TAF5: variants seen among roughly 807,000 people sequenced by gnomAD.
TAF5 encodes transcription initiation factor TFIID subunit 5.
TAF5 carries 20 observed loss-of-function variants against 80.9 expected under a neutral mutation model. The observed-to-expected ratio is 0.25, with a 90% confidence interval of 0.17 to 0.36. TAF5 has a LOEUF of 0.36. Among genes scored for constraint, TAF5 ranks in the 10% least tolerant of loss-of-function variants. TAF5 has a pLI of 1.00. For missense variants in TAF5, 863 were observed against 1,029.4 expected (o/e 0.84, Z 2.21); for synonymous variants, 388 against 406.4 (o/e 0.95, Z 0.55).
rs1214527139 is a variant in TAF5, at chr10:103,388,755, G to A, written c.*532G>A. 1 of 153,256 alleles carries A rather than the reference G, an allele frequency of 6.5e-6. No homozygotes were observed. The highest frequency in any genetic ancestry group is 2.4e-5 in the African/African-American group (1 of 41,424). The allele number at this position is 153,256 out of a possible 1,614,324, so 9.5% of individuals were successfully genotyped here. A position where few individuals can be genotyped will look rare whatever the true frequency, so the allele number is the denominator to read the frequency against. Reference sequence around the variant, plus strand: ...GTAGGGTTCCTTTCTTAGATCTAGAGGAAGTACAGCCACCCACTGACATCT... The same window carrying A: ...GTAGGGTTCCTTTCTTAGATCTAGAAGAAGTACAGCCACCCACTGACATCT... On this transcript the variant is annotated 3_prime_UTR_variant, in exon 11 of 11. Transcript: ENST00000369839.
intron 9 of TAF5, 78 bp downstream of exon 9, chr10:103,387,430 A>G: frequency 6.5e-7 from 1 of 1,549,264 alleles, no homozygotes; most frequent in Non-Finnish European, 8.7e-7. Flanking sequence ...TGACACATAA[A>G]TTTTAAAGAT....
At chr10:103,387,924 G>A in intron 10 of TAF5, 82 bp from the exon 11 acceptor site, 2 of 1,352,890 alleles carry the variant, frequency 1.5e-6, no homozygotes, top group East Asian at 2.3e-5. Context: ...AAAATGTACA[G>A]TAAATACATA....
chr10:103,381,902 A>C lies in TAF5; in HGVS notation c.1534+61A>C, dbSNP rs1279902289. 1.9e-6 allele frequency: 3 copies of C among 1,598,324 alleles called. No individual in the cohort carries two copies. In the Admixed American group the frequency reaches 5.1e-5, roughly 27 times the overall value. On this transcript the variant is annotated intron_variant, in intron 6 of 10. Transcript: ENST00000369839. ...ATTAGTCTATACCAATCTTGATTCCATGGAAAATACACAGGAGATTGTGTT... is the reference window on the plus strand; with the variant it reads ...ATTAGTCTATACCAATCTTGATTCCCTGGAAAATACACAGGAGATTGTGTT...
At chr10:103,385,189 G>C (rs1308358067) in intron 7 of TAF5, 137 bp from the exon 8 acceptor site, 2 of 658,026 alleles carry the variant, frequency 3.0e-6, no homozygotes, top group Non-Finnish European at 4.9e-6. Flanking sequence ...TGAATTAAAA[G>C]TGAGATGCAG....
chr10:103,375,143 AAATG>A (rs1443363042), intron 2 of TAF5, among the ~76,000 whole-genome samples: 3 of 151,588 alleles, frequency 2.0e-5, no homozygotes, highest in African/African-American at 7.3e-5. Flanking sequence ...AAAAAAAAGA[AAATG>A]TGTGGAGGCA....
Position 103,372,864 on chromosome 10 carries a change from C to T in TAF5, c.560-494C>T, listed in dbSNP as rs376640977. On this transcript the variant is annotated intron_variant, in intron 1 of 10. Coordinates refer to ENST00000369839, the MANE Select transcript of TAF5 (RefSeq NM_006951.5). ...TGAGCCGAGATTGTGCATTGCACTA[C>T]AGCCTGGGCGACAAGAGTGAAACTC... is the stretch of plus-strand genomic sequence containing the variant. Among the ~76,000 whole-genome samples the T allele has an allele frequency of 1.8e-3, 269 of 150,294 alleles. 7 individuals carry two copies. The South Asian group carries it at 0.056, about 31-fold the overall frequency.
chr10:103,385,510 A>G lies in TAF5; in HGVS notation c.1829+20A>G. 6.2e-7 allele frequency: 1 copy of G among 1,612,326 alleles called. No homozygotes were observed. Among genetic ancestry groups the G allele is most frequent in the Non-Finnish European group, 8.5e-7 (1 of 1,179,388 alleles). On this transcript the variant is annotated intron_variant, in intron 8 of 10. Coordinates refer to ENST00000369839, the MANE Select transcript of TAF5 (RefSeq NM_006951.5). ...AGCTCGGTAAGAACACTGTGATCTT[A>G]TGACTGGGTCTATTCAATGAACAGA...
In TAF5 at chr10:103,388,285, T is replaced by C. The variant is rs190823108; in HGVS notation, c.*62T>C. On this transcript the variant is annotated 3_prime_UTR_variant, in exon 11 of 11. Coordinates refer to ENST00000369839, the MANE Select transcript of TAF5 (RefSeq NM_006951.5). ...TTTAAAAAGGGAGACTAAAAGCAAA[T>C]ACCTCAGTGATTAATATTTAAGCTA... is the stretch of plus-strand genomic sequence containing the variant. The C allele has an allele frequency of 4.5e-6, 6 of 1,324,588 alleles. No individual in the cohort carries two copies. In the East Asian group the frequency reaches 1.4e-4, roughly 31 times the overall value. The allele number at this position is 1,324,588 out of a possible 1,614,324, so 82.1% of individuals were successfully genotyped here.
At chr10:103,380,597 T>C (rs2133632269) in intron 5 of TAF5, among the ~76,000 whole-genome samples, 1 of 152,284 alleles carries the variant, frequency 6.6e-6, no homozygotes, top group Non-Finnish European at 1.5e-5. Context: ...GTTTAAGTAC[T>C]TACGTAAACT....
rs776279235 is a variant in TAF5 at position 103,388,111 on chromosome 10, A to G, written c.2291A>G (p.Asn764Ser). ...ACTGGGCATATAAATTTACCTGAGA[A>G]TTCACAGGAGTTATTGTTGGGAACA... ...TATGHINLPE[N>S]SQELLLGTYM... Residue 764 changes from asparagine (N) to serine (S), a missense_variant, in exon 11 of 11, where the codon AAT becomes AGT. Physicochemically the swap from Asn to Ser is conservative, Grantham distance 46. Transcript: ENST00000369839. 19 of 1,614,104 alleles carry G rather than the reference A, an allele frequency of 1.2e-5. No homozygotes were observed. Among genetic ancestry groups the G allele is most frequent in the Non-Finnish European group, 1.4e-5 (16 of 1,179,958 alleles).
At chr10:103,385,595 G>T (rs1033273364) in intron 8 of TAF5, 105 bp downstream of exon 8, 3 of 1,287,012 alleles carry the variant, frequency 2.3e-6, no homozygotes, top group East Asian at 2.5e-5. Context: ...CATTATTGAG[G>T]TTCAACTTTC....
At chr10:103,376,089 G>A (rs2093369410) in intron 2 of TAF5, among the ~76,000 whole-genome samples, 1 of 151,226 alleles carries the variant, frequency 6.6e-6, no homozygotes, top group Non-Finnish European at 1.5e-5. Context: ...GCTTAGCAGT[G>A]TGAATAATTT....
At chr10:103,384,290 G>A (rs905018134) in intron 7 of TAF5, among the ~76,000 whole-genome samples, 17 of 152,144 alleles carry the variant, frequency 1.1e-4, no homozygotes, top group African/African-American at 4.1e-4. Context: ...AAAATGGGTG[G>A]AGGGTGTTTT....
At position 103,373,394 on chromosome 10, in the gene TAF5, G is replaced by C; in HGVS notation, c.596G>C (p.Ser199Thr). 6.2e-7 allele frequency: 1 copy of C among 1,614,122 alleles called. No individual in the cohort carries two copies. Among genetic ancestry groups the C allele is most frequent in the Non-Finnish European group, 8.5e-7 (1 of 1,180,028 alleles). ...SVAVEDQPDVSAVLSAYNQQG... is the reference protein window; with the variant it reads ...SVAVEDQPDVTAVLSAYNQQG... ...GCTGTGGAAGACCAGCCAGATGTCA[G>C]TGCCGTGTTGTCAGCCTACAACCAA... Residue 199 changes from serine to threonine, a missense_variant, in exon 2 of 11, where the codon AGT becomes ACT. Physicochemically the swap from Ser to Thr is moderately conservative, Grantham distance 58. This residue lies in a region of TAF5 where 367 missense variants were observed against 335.5 expected (regional missense o/e 1.09). Coordinates refer to ENST00000369839, the MANE Select transcript of TAF5 (RefSeq NM_006951.5).
chr10:103,379,761 C>T lies in TAF5; in HGVS notation c.1267C>T (p.Pro423Ser), dbSNP rs2093377949. 6.3e-7 allele frequency: 1 copy of T among 1,598,046 alleles called. No individual in the cohort carries two copies. The highest frequency in any genetic ancestry group is 1.2e-5 in the South Asian group (1 of 86,544). ...KSKKQDPNAP[P>S]QNRIPLPELK... is the part of the protein sequence containing the mutation. ...CAAAAAACAAGATCCCAATGCTCCA[C>T]CTCAGAACAGGTGAGGAAAAAACTT... The change falls in exon 4 of 11, where the codon CCT (proline) becomes TCT (serine). Residue 423 changes from proline (P) to serine (S), a missense_variant. By Grantham distance (74) the Pro-to-Ser change is moderately conservative. Coordinates refer to ENST00000369839, the MANE Select transcript of TAF5 (RefSeq NM_006951.5).
At chr10:103,372,909 A>G (rs1033724160) in intron 1 of TAF5, among the ~76,000 whole-genome samples, 2 of 151,536 alleles carry the variant, frequency 1.3e-5, no homozygotes, top group African/African-American at 4.8e-5. Context: ...AAGAAAAAAA[A>G]AAAAGACTAC....
At chr10:103,386,462 C>T (rs1344106158) in intron 8 of TAF5, among the ~76,000 whole-genome samples, 1 of 151,846 alleles carries the variant, frequency 6.6e-6, no homozygotes, top group African/African-American at 2.4e-5. Flanking sequence ...ATTTGGTGGC[C>T]AGAACTAGGG....
At position 103,383,466 on chromosome 10, in the gene TAF5, G is replaced by A; in HGVS notation, c.1664+99G>A. On this transcript the variant is annotated intron_variant, in intron 7 of 10. Coordinates refer to ENST00000369839, the MANE Select transcript of TAF5 (RefSeq NM_006951.5). ...ATTATGCAAATGCTGGGAAAATTCT[G>A]ATAAAAATCTCATGGTTGTCTGACG... is the stretch of plus-strand genomic sequence containing the variant. 1.7e-6 allele frequency: 2 copies of A among 1,190,214 alleles called. 1 individual carries two copies. The highest frequency in any genetic ancestry group is 2.3e-6 in the Non-Finnish European group (2 of 880,218). The allele number at this position is 1,190,214 out of a possible 1,614,324, so 73.7% of individuals were successfully genotyped here. A position where few individuals can be genotyped will look rare whatever the true frequency, so the allele number is the denominator to read the frequency against.
Position 103,368,185 on chromosome 10 carries a change from C to T in TAF5, c.196C>T (p.Pro66Ser). The T allele has an allele frequency of 2.9e-6, 4 of 1,393,532 alleles. No homozygotes were observed. The South Asian group carries it at 6.3e-5, about 22-fold the overall frequency. The allele number at this position is 1,393,532 out of a possible 1,614,324, so 86.3% of individuals were successfully genotyped here. ...STGGDGGTPKPTVAVSAAAPA... is the reference protein window; with the variant it reads ...STGGDGGTPKSTVAVSAAAPA... ...TGGCGGGGATGGCGGGACCCCCAAG[C>T]CCACGGTGGCTGTCTCCGCCGCTGC... is the stretch of plus-strand genomic sequence containing the variant. The change falls in exon 1 of 11, where the codon CCC (proline) becomes TCC (serine). Residue 66 changes from proline (P) to serine (S), a missense_variant. Physicochemically the swap from Pro to Ser is moderately conservative, Grantham distance 74. This residue lies in a region of TAF5 where 367 missense variants were observed against 335.5 expected (regional missense o/e 1.09). Coordinates refer to ENST00000369839, the MANE Select transcript of TAF5 (RefSeq NM_006951.5).
Sources: gnomAD v4.1 joint callset for allele counts (sites outside exome capture counted in the v4.1 genomes callset) on GRCh38, gnomAD v4.1.1 for gene constraint, gnomAD v4.1.1 regional missense constraint, MANE v1.5 for transcripts, NCBI Gene and HGNC (gene_info 2026-07-23, HGNC 2026-07-21) for gene names.